EFR3B: variants seen among roughly 807,000 people sequenced by gnomAD.
EFR3B encodes the protein EFR3 homolog B, also known as protein EFR3 homolog B.
In EFR3B, 64 loss-of-function variants were observed where a neutral mutation model predicts 104.7. The observed-to-expected ratio is 0.61, with a 90% CI of 0.50 to 0.75. The LOEUF is 0.75. Ranked by LOEUF, EFR3B falls within the 30% of genes least tolerant of loss-of-function variation. EFR3B has a pLI of 0.00. For missense variants in EFR3B, 750 were observed against 1,078.5 expected (o/e 0.70, Z 4.27); for synonymous variants, 385 against 417.9 (o/e 0.92, Z 0.96).
Position 25,047,144 on chromosome 2 carries a change from C to T in EFR3B, c.7+4825C>T, listed in dbSNP as rs556837317. Among the ~76,000 whole-genome samples the T allele has an allele frequency of 2.5e-4, 38 of 152,292 alleles. 1 individual carries two copies. The South Asian group carries it at 7.9e-3, about 32-fold the overall frequency. ...AGGTAATATTATATTACAGAAAAATCTGGAAAAGAGTGGAGAAAAAAATCA... is the reference window on the plus strand; with the variant it reads ...AGGTAATATTATATTACAGAAAAATTTGGAAAAGAGTGGAGAAAAAAATCA... On this transcript the variant is annotated intron_variant, in intron 1 of 22. Coordinates refer to ENST00000403714, the MANE Select transcript of EFR3B (RefSeq NM_014971.2).
chr2:25,118,573 G>C (rs555640075), intron 4 of EFR3B, among the ~76,000 whole-genome samples: 1 of 151,860 alleles, frequency 6.6e-6, no homozygotes, highest in Non-Finnish European at 1.5e-5. Flanking sequence ...AAAGAAAGTG[G>C]CAACTATGTG....
At chr2:25,109,558 T>C (rs1164532611) in intron 4 of EFR3B, among the ~76,000 whole-genome samples, 1 of 152,182 alleles carries the variant, frequency 6.6e-6, no homozygotes, top group Admixed American at 6.6e-5. Context: ...CTCAAACAAA[T>C]AGTTGTACAC....
At chr2:25,126,966 G>A (rs914105078) in intron 5 of EFR3B, among the ~76,000 whole-genome samples, 4 of 151,762 alleles carry the variant, frequency 2.6e-5, no homozygotes, top group Non-Finnish European at 5.9e-5. Context: ...GGCTGAGGCG[G>A]GTAGATCATG....
chr2:25,115,662 T>C (rs1669837499), intron 4 of EFR3B, among the ~76,000 whole-genome samples: 1 of 152,218 alleles, frequency 6.6e-6, no homozygotes, highest in Admixed American at 6.5e-5. Context: ...GAGATTATCT[T>C]GGATTTTCCA....
chr2:25,135,769 C>A, intron 13 of EFR3B, 130 bp downstream of exon 13: 1 of 1,108,684 alleles, frequency 9.0e-7, no homozygotes, highest in Non-Finnish European at 1.3e-6. Context: ...ATCTGAGTAT[C>A]CCACAATTCA....
At chr2:25,118,201 G>A (rs1226672715) in intron 4 of EFR3B, among the ~76,000 whole-genome samples, 4 of 152,228 alleles carry the variant, frequency 2.6e-5, no homozygotes, top group East Asian at 1.9e-4. Flanking sequence ...GGCTGGTCTC[G>A]AACTCCTGAC....
intron 1 of EFR3B, among the ~76,000 whole-genome samples, chr2:25,059,576 G>GGA (rs1553385042): frequency 8.3e-6 from 1 of 120,764 alleles, no homozygotes; most frequent in Non-Finnish European, 1.9e-5. Context: ...GGACTGCGGG[G>GGA]GGGGGGGGGG....
chr2:25,074,158 C>T (rs1055915061), intron 1 of EFR3B, among the ~76,000 whole-genome samples: 1 of 152,106 alleles, frequency 6.6e-6, no homozygotes, highest in Non-Finnish European at 1.5e-5. Context: ...GCTGGTTGGT[C>T]GCTCTAAGGA....
intron 2 of EFR3B, among the ~76,000 whole-genome samples, chr2:25,091,755 G>A (rs1175287858): frequency 2.0e-5 from 3 of 152,192 alleles, no homozygotes; most frequent in Admixed American, 2.0e-4. Context: ...CTCCCTGCCG[G>A]TCAGTGTGAG....
chr2:25,086,206 C>T (rs558659007), intron 1 of EFR3B, among the ~76,000 whole-genome samples: 2 of 152,318 alleles, frequency 1.3e-5, no homozygotes, highest in African/African-American at 4.8e-5. Flanking sequence ...GGCAATTCTA[C>T]ATAAAGCTGC....
intron 20 of EFR3B, among the ~76,000 whole-genome samples, chr2:25,151,655 G>C (rs186477932): frequency 1.3e-5 from 2 of 152,354 alleles, no homozygotes; most frequent in East Asian, 3.9e-4. Flanking sequence ...ACTTGGGGCT[G>C]TAAGAGCCCC....
At chr2:25,117,970 A>G (rs1573214981) in intron 4 of EFR3B, among the ~76,000 whole-genome samples, 2 of 152,008 alleles carry the variant, frequency 1.3e-5, no homozygotes, top group Admixed American at 1.3e-4. Flanking sequence ...ATTTTATTTT[A>G]TATTTAATTT....
intron 1 of EFR3B, among the ~76,000 whole-genome samples, chr2:25,089,906 G>A (rs968603500): frequency 1.3e-5 from 2 of 151,974 alleles, no homozygotes; most frequent in African/African-American, 4.8e-5. Context: ...CATCCTCTTG[G>A]TGCCCCATGG....
At position 25,159,056 on chromosome 2, in the gene EFR3B, C is replaced by T. The variant is rs1671251738; in HGVS notation, c.*4716C>T. 1 of 152,224 alleles carries T rather than the reference C, an allele frequency of 6.6e-6. No individual in the cohort carries two copies. Among genetic ancestry groups the T allele is most frequent in the Non-Finnish European group, 1.5e-5 (1 of 68,036 alleles). 9.4% of individuals were successfully genotyped at this position (152,224 alleles called of 1,614,324 possible). On this transcript the variant is annotated 3_prime_UTR_variant, in exon 23 of 23. Transcript: ENST00000403714. ...TAGGAAGAAGGATTCTTAGCAAAATCATTCTCTAGGACTATTAGTCGCGAT... is the reference window on the plus strand; with the variant it reads ...TAGGAAGAAGGATTCTTAGCAAAATTATTCTCTAGGACTATTAGTCGCGAT...
chr2:25,080,044 TA>T, intron 1 of EFR3B: 2 of 878,966 alleles, frequency 2.3e-6, no homozygotes, highest in Non-Finnish European at 3.9e-6. Flanking sequence ...CTCGGTGCCT[TA>T]GCATCATCAA....
intron 5 of EFR3B, among the ~76,000 whole-genome samples, chr2:25,127,191 C>CAAAAAAAAAAAAA (rs57818903): frequency 1.9e-5 from 1 of 51,736 alleles, no homozygotes; most frequent in Non-Finnish European, 3.5e-5. Context: ...GACTCCACCT[C>CAAAAAAAAAAAAA]AAAAAAAAAA....
At chr2:25,124,738 CAAAAAAAA>C (rs34181444) in intron 5 of EFR3B, among the ~76,000 whole-genome samples, 109 of 41,794 alleles carry the variant, frequency 2.6e-3, no homozygotes, top group African/African-American at 9.6e-3. Context: ...GACTCTGTCT[CAAAAAAAA>C]AAAAAAAAAA....
At chr2:25,067,192 A>T (rs182681968) in intron 1 of EFR3B, among the ~76,000 whole-genome samples, 2 of 152,148 alleles carry the variant, frequency 1.3e-5, no homozygotes, top group African/African-American at 4.8e-5. Context: ...TGGCTACCAT[A>T]TTGGGTAGTG....
rs145757210 is a variant in EFR3B at position 25,100,594 on chromosome 2, A to T, written c.213-3043A>T. On this transcript the variant is annotated intron_variant, in intron 3 of 22. Transcript: ENST00000403714. ...TGCAAGCTCTGCCTCCTGAGTTCAC[A>T]CCATTCTCCTGCCTCAGCCTCCTGA... 9.5e-3 allele frequency among the ~76,000 whole-genome samples: 1,452 copies of T among 152,116 alleles called. 26 individuals carry two copies. The highest frequency in any genetic ancestry group is 0.032 in the African/African-American group (1,319 of 41,510).
Sources: allele counts gnomAD v4.1 joint callset (sites outside exome capture counted in the v4.1 genomes callset), GRCh38; gene constraint gnomAD v4.1.1; transcripts MANE v1.5; gene names NCBI Gene and HGNC (gene_info 2026-07-23, HGNC 2026-07-21).